Variants in SLC6A12 observed in about 807,000 individuals in gnomAD.
SLC6A12 encodes solute carrier family 6 member 12, also known as sodium- and chloride-dependent betaine transporter.
A neutral mutation model predicts 73.3 loss-of-function variants in SLC6A12; 50 were observed. That is an observed-to-expected ratio of 0.68 (90% CI 0.54 to 0.86). The LOEUF is 0.86. Among genes scored for constraint, SLC6A12 ranks in the 40% least tolerant of loss-of-function variants. The pLI, the probability that SLC6A12 is intolerant of heterozygous loss-of-function variation, is 0.00. For synonymous variants in SLC6A12, 304 were observed against 309.2 expected (o/e 0.98, Z 0.18); for missense variants, 648 against 772.8 (o/e 0.84, Z 1.92).
At chr12:183,994 C>T in the SLC6A12 span, among the ~76,000 whole-genome samples, 2 of 152,052 alleles carry the variant, frequency 1.3e-5, no homozygotes, top group African/African-American at 2.4e-5. Flanking sequence ...CAGACAAGCA[C>T]GGTATGAGAA....
intron 10 of SLC6A12, among the ~76,000 whole-genome samples, 200 bp downstream of exon 10, chr12:197,176 TC>T (rs1939950980): frequency 1.6e-5 from 1 of 62,624 alleles, no homozygotes; most frequent in Non-Finnish European, 3.8e-5. Context: ...CATCCATCCA[TC>T]CATCCATCCA....
At chr12:188,743 T>G (rs1258355213), downstream of SLC6A12, among the ~76,000 whole-genome samples, 1 of 152,136 alleles carries the variant, frequency 6.6e-6, no homozygotes, top group Non-Finnish European at 1.5e-5. Flanking sequence ...ACACCTGTAC[T>G]GGTGCTCTGG....
At chr12:184,620 G>A in the SLC6A12 span, among the ~76,000 whole-genome samples, 1 of 152,210 alleles carries the variant, frequency 6.6e-6, no homozygotes, top group East Asian at 1.9e-4. Context: ...CGTGGTGGCG[G>A]GCGCCTGTAG....
rs746805372 is a variant in SLC6A12, at chr12:197,969, GAGA to G, written c.878_880del (p.Phe293del). 32 of 1,613,804 alleles carry G rather than the reference GAGA, an allele frequency of 2.0e-5. No homozygotes were observed. The highest frequency in any genetic ancestry group is 4.0e-5 in the African/African-American group (3 of 74,922). ...CAGGCACCCCTGGCAGATGGCAAAG[GAGA>G]AGAAGATCTGGGTGCCCGCATCCAT... On this transcript the variant is annotated inframe_deletion, in exon 9 of 16. Transcript: ENST00000684302.
chr12:198,070 C>T lies in SLC6A12; in HGVS notation c.847-67G>A. Reference sequence around the variant, plus strand: ...GCCCAGAGCCAGGGTGACCCGAGATCCAGACCCGTCCCCTGCAGCACCAGC... The same window carrying T: ...GCCCAGAGCCAGGGTGACCCGAGATTCAGACCCGTCCCCTGCAGCACCAGC... On this transcript the variant is annotated intron_variant, in intron 8 of 15. Transcript: ENST00000684302. This position sits in a 1 kb window ranked among gnomAD's most constrained non-coding sequence, Gnocchi z 4.0. The T allele has an allele frequency of 7.9e-7, 1 of 1,271,428 alleles. No individual in the cohort carries two copies. Among genetic ancestry groups the T allele is most frequent in the Non-Finnish European group, 1.1e-6 (1 of 875,176 alleles). 78.8% of individuals were successfully genotyped at this position (1,271,428 alleles called of 1,614,324 possible). A position where few individuals can be genotyped will look rare whatever the true frequency, so the allele number is the denominator to read the frequency against.
At position 193,280 on chromosome 12, in the gene SLC6A12, G is replaced by A. The variant is rs1038846754; in HGVS notation, c.1527C>T (p.Cys509=). ...ISWLFLTPGL[C]LATFLFSLSK... is the part of the protein sequence containing the mutation. ...GGGGCAGCTGGTGGGCACATACCAG[G>A]CAAAGTCCAGGGGTCAGGAAGAGCC... The change falls in exon 14 of 16, where the codon TGC becomes TGT. Residue 509 remains cysteine (C), a synonymous_variant. Transcript: ENST00000684302. 6.2e-7 allele frequency: 1 copy of A among 1,610,974 alleles called. No individual in the cohort carries two copies. The highest frequency in any genetic ancestry group is 1.1e-5 in the South Asian group (1 of 91,020).
In SLC6A12 at chr12:209,824, C is replaced by T. The variant is rs1440496975; in HGVS notation, c.163G>A (p.Gly55Arg). The change falls in exon 3 of 16, where the codon GGG (glycine) becomes AGG (arginine). Residue 55 changes from glycine (G) to arginine (R), a missense_variant. Coordinates refer to ENST00000684302, the MANE Select transcript of SLC6A12 (RefSeq NM_001122848.3). ...GGAAACCTCCAGACATTGCCCAGCC[C>T]AATGATCTCCCCGGCCACTGACAGC... ...FVLSVAGEII[G>R]LGNVWRFPYL... 1 of 1,614,228 alleles carries T rather than the reference C, an allele frequency of 6.2e-7. No homozygotes were observed. Among genetic ancestry groups the T allele is most frequent in the African/African-American group, 1.3e-5 (1 of 75,052 alleles).
downstream of SLC6A12, among the ~76,000 whole-genome samples, chr12:187,589 CAAAAAAAAAAAAAAAAA>C (rs761187495): frequency 1.3e-3 from 139 of 106,030 alleles, 1 homozygote; most frequent in Middle Eastern, 9.0e-3. Context: ...TGCAAAAGAG[CAAAAAAAAAAAAAAAAA>C]AAAAAAAAAA....
downstream of SLC6A12, among the ~76,000 whole-genome samples, chr12:187,886 G>C (rs529407651): frequency 2.0e-5 from 3 of 152,164 alleles, no homozygotes; most frequent in Non-Finnish European, 4.4e-5. Flanking sequence ...GCTAGATACA[G>C]AGTGTGGATT....
intron 12 of SLC6A12, 59 bp downstream of exon 12, chr12:196,065 G>C: frequency 6.6e-7 from 1 of 1,506,670 alleles, no homozygotes; most frequent in South Asian, 1.2e-5. Flanking sequence ...AGGGTCAGCA[G>C]TGTCCCCCGT....
At chr12:191,962 T>C (rs371666261) in intron 15 of SLC6A12, among the ~76,000 whole-genome samples, 3 of 152,348 alleles carry the variant, frequency 2.0e-5, no homozygotes, top group South Asian at 2.1e-4. Context: ...ATAGGCAAGA[T>C]AGATTTCTAC....
chr12:205,099 A>C, intron 3 of SLC6A12: 1 of 178,600 alleles, frequency 5.6e-6, no homozygotes, highest in Non-Finnish European at 1.2e-5. Flanking sequence ...AAACACAAAC[A>C]CCTCAGAAGC....
chr12:205,032 T>C (rs1308276437), intron 3 of SLC6A12: 1 of 260,252 alleles, frequency 3.8e-6, no homozygotes, highest in Non-Finnish European at 7.5e-6. Flanking sequence ...AATAAACACA[T>C]GGCTTCTGTA....
chr12:192,882 CGG>C (rs1939673375), intron 14 of SLC6A12, among the ~76,000 whole-genome samples: 3 of 143,574 alleles, frequency 2.1e-5, no homozygotes, highest in Non-Finnish European at 4.6e-5. Flanking sequence ...ACATCACAGA[CGG>C]AGACAGGAGG....
intron 3 of SLC6A12, among the ~76,000 whole-genome samples, chr12:207,017 G>A (rs541857072): frequency 1.6e-4 from 25 of 152,362 alleles, no homozygotes; most frequent in South Asian, 1.0e-3. Context: ...CGCTCAGACC[G>A]GGTCCTCCCT....
intron 5 of SLC6A12, among the ~76,000 whole-genome samples, chr12:202,325 A>C (rs1481831018): frequency 6.6e-6 from 1 of 151,974 alleles, no homozygotes; most frequent in Non-Finnish European, 1.5e-5. Context: ...CACCTATCAC[A>C]ATTTGTAGTG....
rs1272781287 is a variant in SLC6A12 at position 191,893 on chromosome 12, CAT to C, written c.1701+583_1701+584del. 6.6e-5 allele frequency among the ~76,000 whole-genome samples: 10 copies of C among 152,326 alleles called. No individual in the cohort carries two copies. The South Asian group carries it at 1.9e-3, about 28-fold the overall frequency. On this transcript the variant is annotated intron_variant, in intron 15 of 15. Transcript: ENST00000684302. ...GCCCTAATCTCTGACCTTCTTGAAA[CAT>C]AAAAAACAAACAAGCCTATTTGCTG...
At chr12:200,116 T>A (rs1449121295) in intron 7 of SLC6A12, among the ~76,000 whole-genome samples, 1 of 146,978 alleles carries the variant, frequency 6.8e-6, no homozygotes, top group African/African-American at 2.5e-5. Flanking sequence ...CTTTTTTTTT[T>A]TTTTTTTTTT....
intron 14 of SLC6A12, 125 bp from the exon 15 acceptor site, chr12:192,773 T>A: frequency 1.2e-6 from 1 of 848,462 alleles, no homozygotes; most frequent in Non-Finnish European, 1.9e-6. Flanking sequence ...GGTGGAAGAG[T>A]AAAAGCCCCT....
Sources: gnomAD v4.1 joint callset for allele counts (sites outside exome capture counted in the v4.1 genomes callset) on GRCh38, gnomAD v4.1.1 for gene constraint, Gnocchi (gnomAD v3.1) non-coding constraint, MANE v1.5 for transcripts, NCBI Gene and HGNC (gene_info 2026-07-23, HGNC 2026-07-21) for gene names.